The following PLSCR2 variants were observed in gnomAD, a reference collection of about 807,000 sequenced individuals.
PLSCR2 encodes the protein PL scramblase 2.
A neutral mutation model predicts 25.3 loss-of-function variants in PLSCR2; 18 were observed. That is an observed-to-expected ratio of 0.71 (90% CI 0.49 to 1.06). PLSCR2 has a LOEUF of 1.06. Ranked by LOEUF, PLSCR2 falls within the 50% of genes least tolerant of loss-of-function variation. The probability of loss-of-function intolerance (pLI) is 0.00; values close to 1 mark genes in which losing one functional copy is unlikely to be tolerated. For synonymous variants in PLSCR2, 88 were observed against 87.3 expected (o/e 1.01, Z -0.04); for missense variants, 243 against 269.5 (o/e 0.90, Z 0.69).
Position 146,404,823 on chromosome 3 carries a change from G to GC in PLSCR2, c.101-8903_101-8902insG, listed in dbSNP as rs145348760. Among the ~76,000 whole-genome samples, 246 of 134,998 alleles carry GC rather than the reference G, an allele frequency of 1.8e-3. 7 individuals are homozygous for GC. Among genetic ancestry groups the GC allele is most frequent in the Non-Finnish European group, 3.4e-3 (202 of 59,654 alleles). 88.6% of individuals were successfully genotyped at this position (134,998 alleles called of 152,430 possible). The stretch of plus-strand genomic sequence containing the variant: ...GAAGAAATAGGCAAAAAAAAAAAAG[G>GC]GGGGGGGTGGTGGTTAACTGGTCCC... On this transcript the variant is annotated intron_variant and NMD_transcript_variant, in intron 2 of 3. Transcript: ENST00000463633.
downstream of PLSCR2, among the ~76,000 whole-genome samples, chr3:146,430,539 C>T (rs76755483): frequency 0.012 from 1,876 of 152,270 alleles, 36 homozygotes; most frequent in African/African-American, 0.043. Flanking sequence ...ATGATAGCAG[C>T]AATTCTCTAT....
chr3:146,473,375 G>T (rs1418622289), intron 1 of PLSCR2, among the ~76,000 whole-genome samples: 1 of 145,052 alleles, frequency 6.9e-6, no homozygotes, highest in Non-Finnish European at 1.5e-5. Context: ...CACGATCTCA[G>T]CTCACTGCAG....
At chr3:146,450,617 A>G (rs1446075861) in intron 5 of PLSCR2, among the ~76,000 whole-genome samples, 1 of 152,254 alleles carries the variant, frequency 6.6e-6, no homozygotes, top group Non-Finnish European at 1.5e-5. Context: ...GTAAATAGCT[A>G]CTAGAAAAGC....
chr3:146,409,057 G>A (rs930014983), intron 2 of PLSCR2, among the ~76,000 whole-genome samples: 2 of 152,144 alleles, frequency 1.3e-5, no homozygotes, highest in African/African-American at 2.4e-5. Context: ...CAGTGAGTCC[G>A]GAGTACGGAC....
downstream of PLSCR2, among the ~76,000 whole-genome samples, chr3:146,431,925 T>G (rs2108126423): frequency 6.6e-6 from 1 of 152,254 alleles, no homozygotes; most frequent in East Asian, 1.9e-4. Context: ...TATGTGATGC[T>G]GTGTCTTAGT....
At chr3:146,457,127 T>C (rs1293758405) in intron 3 of PLSCR2, among the ~76,000 whole-genome samples, 1 of 152,064 alleles carries the variant, frequency 6.6e-6, no homozygotes, top group East Asian at 1.9e-4. Flanking sequence ...TTAAAAGCAG[T>C]TTAAATGTAA....
chr3:146,435,013 C>G (rs542969081), intron 8 of PLSCR2, among the ~76,000 whole-genome samples: 2 of 148,866 alleles, frequency 1.3e-5, no homozygotes, highest in African/African-American at 4.9e-5. Flanking sequence ...TGAGTGAGAA[C>G]ATGTGGTGTT....
exon 1 of PLSCR2, chr3:146,495,896 T>C: frequency 6.5e-7 from 1 of 1,535,234 alleles, no homozygotes; most frequent in Non-Finnish European, 8.7e-7. Flanking sequence ...ATTGGCTACC[T>C]GGGAGGTGAA....
chr3:146,437,583 A>C (rs1212217797), downstream of PLSCR2, among the ~76,000 whole-genome samples: 5 of 152,048 alleles, frequency 3.3e-5, no homozygotes, highest in Admixed American at 2.6e-4. Context: ...GTATTCTCTG[A>C]TGGTAGTTTG....
chr3:146,467,145 C>T (rs2041908279), intron 1 of PLSCR2, among the ~76,000 whole-genome samples: 1 of 152,154 alleles, frequency 6.6e-6, no homozygotes, highest in South Asian at 2.1e-4. Flanking sequence ...CATATATCCA[C>T]ATATATGTAC....
At chr3:146,405,564 T>C (rs1259804036) in intron 2 of PLSCR2, among the ~76,000 whole-genome samples, 1 of 152,136 alleles carries the variant, frequency 6.6e-6, no homozygotes, top group Non-Finnish European at 1.5e-5. Context: ...GGCATTACAT[T>C]CCCCACTGGT....
exon 1 of PLSCR2, chr3:146,460,422 T>C (rs2041499164): frequency 6.6e-6 from 1 of 150,758 alleles, no homozygotes; most frequent in Admixed American, 8.1e-5. Flanking sequence ...CATGCCTTCA[T>C]GGAAAAGAGA....
intron 2 of PLSCR2, among the ~76,000 whole-genome samples, chr3:146,412,277 A>T (rs947008419): frequency 6.6e-6 from 1 of 151,556 alleles, no homozygotes; most frequent in Non-Finnish European, 1.5e-5. Flanking sequence ...CACTTTGACC[A>T]CTCCACTGAG....
intron 1 of PLSCR2, among the ~76,000 whole-genome samples, chr3:146,487,173 A>C (rs375364557): frequency 2.5e-3 from 387 of 152,242 alleles, no homozygotes; most frequent in African/African-American, 8.1e-3. Flanking sequence ...TCTCAAAATA[A>C]TAAGAGCCAT....
chr3:146,434,419 A>C (rs2039700630), intron 8 of PLSCR2, among the ~76,000 whole-genome samples: 1 of 152,148 alleles, frequency 6.6e-6, no homozygotes, highest in South Asian at 2.1e-4. Context: ...ATCGTACAAA[A>C]TTTCAAGGAA....
intron 2 of PLSCR2, among the ~76,000 whole-genome samples, chr3:146,423,273 C>CTA (rs1157441723): frequency 7.2e-6 from 1 of 139,626 alleles, no homozygotes. Flanking sequence ...CTCTCTCTCT[C>CTA]TCTCTCTCTC....
intron 8 of PLSCR2, among the ~76,000 whole-genome samples, chr3:146,436,615 CA>C (rs2039876190): frequency 6.6e-6 from 1 of 152,148 alleles, no homozygotes; most frequent in African/African-American, 2.4e-5. Context: ...GATTTTTGCA[CA>C]TTGATTTTGT....
chr3:146,414,735 A>G (rs2038958007), intron 2 of PLSCR2, among the ~76,000 whole-genome samples: 1 of 152,242 alleles, frequency 6.6e-6, no homozygotes, highest in African/African-American at 2.4e-5. Context: ...TGGGAGCACA[A>G]TTGGACTATC....
intron 1 of PLSCR2, among the ~76,000 whole-genome samples, chr3:146,491,827 CTA>C (rs2043562550): frequency 6.6e-6 from 1 of 152,162 alleles, no homozygotes; most frequent in South Asian, 2.1e-4. Flanking sequence ...ACTCTGAATT[CTA>C]TGTCTGTCAC....
Sources: allele counts gnomAD v4.1 joint callset (sites outside exome capture counted in the v4.1 genomes callset), GRCh38; gene constraint gnomAD v4.1.1; transcripts MANE v1.5; gene names NCBI Gene and HGNC (gene_info 2026-07-23, HGNC 2026-07-21).